Variants in POM121C observed in about 807,000 individuals in gnomAD.
POM121C encodes POM121 transmembrane nucleoporin C, also known as nuclear envelope pore membrane protein POM 121C.
Under a neutral mutation model 66.4 loss-of-function variants are expected in POM121C, and 20 were observed. The ratio of observed to expected loss-of-function variants is 0.30; its 90% CI spans 0.21 to 0.44. POM121C has a LOEUF of 0.44. Among genes scored for constraint, POM121C ranks in the 20% least tolerant of loss-of-function variants. The probability of loss-of-function intolerance (pLI) is 1.00; values close to 1 mark genes in which losing one functional copy is unlikely to be tolerated. For synonymous variants in POM121C, 286 were observed against 528.0 expected (o/e 0.54, Z 6.28); for missense variants, 580 against 1,225.7 (o/e 0.47, Z 7.87).
chr7:75,435,711 A>C lies in POM121C; in HGVS notation c.480+1804T>G, dbSNP rs587653528. ...TCACAATTCTTAAACTGACTTCAGC[A>C]GTCTTAATAATGACAGTGTTAATAA... is the stretch of plus-strand genomic sequence containing the variant. On this transcript the variant is annotated intron_variant, in intron 7 of 14. Coordinates refer to ENST00000615331, the MANE Select transcript of POM121C (RefSeq NM_001099415.3). Among the ~76,000 whole-genome samples, 274 of 152,350 alleles carry C rather than the reference A, an allele frequency of 1.8e-3. 2 individuals are homozygous for C. The highest frequency in any genetic ancestry group is 0.01 in the Middle Eastern group (3 of 294).
chr7:75,440,838 G>A, intron 5 of POM121C, 116 bp downstream of exon 5: 2 of 1,543,310 alleles, frequency 1.3e-6, no homozygotes, highest in Non-Finnish European at 1.8e-6. Context: ...CAAAGAAGGA[G>A]GCCTATGAAG....
intron 7 of POM121C, among the ~76,000 whole-genome samples, chr7:75,434,572 G>A (rs1384738194): frequency 4.5e-5 from 6 of 134,256 alleles, no homozygotes; most frequent in Admixed American, 8.3e-5. Flanking sequence ...CCACGGTGGC[G>A]CTCAGCTAGC....
intron 3 of POM121C, among the ~76,000 whole-genome samples, chr7:75,463,480 T>G (rs1791518886): frequency 6.7e-6 from 1 of 149,464 alleles, no homozygotes; most frequent in Middle Eastern, 3.2e-3. Context: ...ACCTTTGGCA[T>G]CTGGCATTCA....
intron 3 of POM121C, among the ~76,000 whole-genome samples, chr7:75,473,601 G>A (rs1428826077): frequency 2.0e-5 from 3 of 152,138 alleles, no homozygotes; most frequent in African/African-American, 4.8e-5. Flanking sequence ...GGTGGAGGAC[G>A]AGGTTTTGGT....
At chr7:75,442,830 A>G (rs1189343200) in intron 3 of POM121C, 24 of 1,149,762 alleles carry the variant, frequency 2.1e-5, no homozygotes, top group Non-Finnish European at 2.7e-5. Flanking sequence ...GAGACGCTAC[A>G]GCCCGGCAGC....
rs781959592 is a variant in POM121C at position 75,422,174 on chromosome 7, G to A, written c.2078C>T (p.Ser693Phe). The A allele has an allele frequency of 4.5e-5, 73 of 1,607,904 alleles. No individual in the cohort carries two copies. The highest frequency in any genetic ancestry group is 2.5e-4 in the East Asian group (11 of 44,822). ...GGCTCCCGGATATGATGGGAGCGGG[G>A]ACTTGGCGCTTGAGCCAAAGGGAAT... ...FNIPFGSSAK[S>F]PLPSYPGANP... Residue 693 changes from serine (S) to phenylalanine (F), a missense_variant, in exon 13 of 15, where the codon TCC becomes TTC. Ser to Phe is a radical substitution (Grantham distance 155). Transcript: ENST00000615331.
chr7:75,426,075 C>T (rs1242797879), intron 8 of POM121C, among the ~76,000 whole-genome samples: 1 of 149,932 alleles, frequency 6.7e-6, no homozygotes, highest in Admixed American at 6.7e-5. Flanking sequence ...GGCGACTGCC[C>T]GCTGACTTGA....
intron 7 of POM121C, among the ~76,000 whole-genome samples, chr7:75,430,795 G>A (rs1396947032): frequency 6.6e-6 from 1 of 152,016 alleles, no homozygotes; most frequent in African/African-American, 2.4e-5. Flanking sequence ...AGAGCCAAGA[G>A]GCCAGGCGCG....
intron 3 of POM121C, among the ~76,000 whole-genome samples, chr7:75,472,374 G>A (rs587732788): frequency 1.3e-5 from 2 of 151,740 alleles, no homozygotes; most frequent in South Asian, 2.1e-4. Flanking sequence ...TAGGCCGGGC[G>A]TGATGGTGCA....
At chr7:75,463,159 C>T (rs1484186208) in intron 3 of POM121C, among the ~76,000 whole-genome samples, 2 of 152,048 alleles carry the variant, frequency 1.3e-5, no homozygotes, top group African/African-American at 2.4e-5. Context: ...CCCGTCTCTA[C>T]TAAAAAATAC....
Position 75,485,453 on chromosome 7 carries a change from C to G in POM121C, c.-458+411G>C, listed in dbSNP as rs1295214740. Among the ~76,000 whole-genome samples the G allele has an allele frequency of 8.5e-5, 13 of 152,270 alleles. 1 individual carries two copies. In the East Asian group the frequency reaches 1.7e-3, roughly 20 times the overall value. Reference sequence around the variant, plus strand: ...CTTCCCCTAGCAACTGAGGCAGCAGCAGAGAATCCCTGCAGACTGTTCCTG... The same window carrying G: ...CTTCCCCTAGCAACTGAGGCAGCAGGAGAGAATCCCTGCAGACTGTTCCTG... On this transcript the variant is annotated intron_variant, in intron 1 of 14. Transcript: ENST00000615331.
chr7:75,476,982 G>GGATA (rs1396778161), intron 1 of POM121C, among the ~76,000 whole-genome samples: 1 of 151,654 alleles, frequency 6.6e-6, no homozygotes, highest in East Asian at 1.9e-4. Flanking sequence ...AGAAACTGAT[G>GGATA]GATACTTCAT....
chr7:75,447,025 A>G (rs1790840671), intron 3 of POM121C, among the ~76,000 whole-genome samples: 1 of 150,182 alleles, frequency 6.7e-6, no homozygotes, highest in Non-Finnish European at 1.5e-5. Flanking sequence ...AAAAAAAAAA[A>G]AAAAAAAAAA....
chr7:75,448,023 CAAA>C (rs3973313), intron 3 of POM121C, among the ~76,000 whole-genome samples: 5 of 98,336 alleles, frequency 5.1e-5, no homozygotes, highest in Non-Finnish European at 6.0e-5. Flanking sequence ...GACTCCGTCT[CAAA>C]AAAAAAAAAA....
At position 75,419,459 on chromosome 7, in the gene POM121C, A is replaced by T. The variant is rs376750292; in HGVS notation, c.2744-17T>A. 16 of 1,612,676 alleles carry T rather than the reference A, an allele frequency of 9.9e-6. No individual in the cohort carries two copies. Among genetic ancestry groups the T allele is most frequent in the African/African-American group, 1.3e-5 (1 of 74,866 alleles). On this transcript the variant is annotated splice_polypyrimidine_tract_variant and intron_variant, in intron 13 of 14. Coordinates refer to ENST00000615331, the MANE Select transcript of POM121C (RefSeq NM_001099415.3). ...TGGCGGTGCCTGGAATGAAGAGAAC[A>T]GAGAGCTAGCCAGTGAGCAGAGGGC...
Position 75,462,135 on chromosome 7 carries a change from G to C in POM121C, c.-152+12569C>G, listed in dbSNP as rs184522303. ...AATTGTAATCCCCAGGGGTCAAGGA[G>C]GGACCTGGTGGAAGGTGACTGGATC... On this transcript the variant is annotated intron_variant, in intron 3 of 14. Transcript: ENST00000615331. Among the ~76,000 whole-genome samples the C allele has an allele frequency of 9.0e-3, 1,330 of 147,002 alleles. 3 individuals carry two copies. The highest frequency in any genetic ancestry group is 0.021 in the Middle Eastern group (6 of 290).
intron 5 of POM121C, 41 bp downstream of exon 5, chr7:75,440,913 C>G: frequency 6.2e-7 from 1 of 1,613,792 alleles, no homozygotes; most frequent in African/African-American, 1.3e-5. Context: ...CCATAGGGGT[C>G]CAAGCGGGAA....
chr7:75,446,245 GATC>G (rs1424857669), intron 3 of POM121C, among the ~76,000 whole-genome samples: 196 of 145,364 alleles, frequency 1.3e-3, no homozygotes, highest in African/African-American at 4.7e-3. Context: ...GTAGTGGTGC[GATC>G]TCAGCTCACT....
intron 3 of POM121C, among the ~76,000 whole-genome samples, chr7:75,463,455 T>TTC (rs1226042801): frequency 1.3e-5 from 2 of 150,898 alleles, no homozygotes; most frequent in African/African-American, 4.9e-5. Flanking sequence ...TTTTCTTTTT[T>TTC]TTTTTTTTTT....
Sources: gnomAD v4.1 joint callset for allele counts (sites outside exome capture counted in the v4.1 genomes callset) on GRCh38, gnomAD v4.1.1 for gene constraint, MANE v1.5 for transcripts, NCBI Gene and HGNC (gene_info 2026-07-23, HGNC 2026-07-21) for gene names.